The following AMPH variants were observed in gnomAD, a reference collection of about 807,000 sequenced individuals.
The protein encoded by AMPH is amphiphysin.
A neutral mutation model predicts 99.1 loss-of-function variants in AMPH; 49 were observed. That is an observed-to-expected ratio of 0.49 (90% CI 0.39 to 0.63). The LOEUF is 0.63. Among genes scored for constraint, AMPH ranks in the 20% least tolerant of loss-of-function variants. The pLI is 0.00. For synonymous variants in AMPH, 314 were observed against 317.3 expected, an observed-to-expected ratio of 0.99 and a Z score of 0.11; for missense variants, 759 against 863.4, an observed-to-expected ratio of 0.88 and a Z score of 1.52.
chr7:38,435,744 A>G (rs943511260), intron 12 of AMPH, among the ~76,000 whole-genome samples: 15 of 152,206 alleles, frequency 9.9e-5, no homozygotes, highest in African/African-American at 3.4e-4. Flanking sequence ...CCATCAAACC[A>G]TAACCATGAT....
chr7:38,392,503 C>A (rs754117107), intron 18 of AMPH: 32 of 153,786 alleles, frequency 2.1e-4, no homozygotes, highest in Non-Finnish European at 4.2e-4. Flanking sequence ...TCTCCTGCCT[C>A]AGCCTCCCGA....
intron 11 of AMPH, among the ~76,000 whole-genome samples, chr7:38,454,681 A>G (rs948643808): frequency 2.6e-5 from 4 of 152,206 alleles, no homozygotes; most frequent in Non-Finnish European, 5.9e-5. Context: ...CTGTTGAAGG[A>G]CAAAAGACTT....
chr7:38,418,087 G>T (rs1268947983), intron 16 of AMPH, 137 bp from the exon 17 acceptor site: 8 of 946,616 alleles, frequency 8.5e-6, no homozygotes, highest in Admixed American at 5.4e-5. Flanking sequence ...CTGGAGAAAA[G>T]CCCCCATTTG....
intron 11 of AMPH, among the ~76,000 whole-genome samples, chr7:38,444,220 A>T (rs1406477108): frequency 6.6e-6 from 1 of 152,216 alleles, no homozygotes; most frequent in Non-Finnish European, 1.5e-5. Context: ...TCTATGCGTC[A>T]GATGACTCAC....
intron 2 of AMPH, among the ~76,000 whole-genome samples, chr7:38,529,437 C>T (rs1219456322): frequency 3.3e-5 from 5 of 152,232 alleles, no homozygotes; most frequent in Admixed American, 3.3e-4. Context: ...TCTCATGCCT[C>T]ACCTCAGACA....
intron 1 of AMPH, among the ~76,000 whole-genome samples, chr7:38,620,372 G>GTGTT (rs1402140328): frequency 6.7e-6 from 1 of 148,706 alleles, no homozygotes; most frequent in Admixed American, 6.7e-5. Flanking sequence ...GTCTGTGTGT[G>GTGTT]TGTGTTAAAG....
intron 2 of AMPH, among the ~76,000 whole-genome samples, chr7:38,525,276 ATAGAGAGAGAGAG>A: frequency 2.5e-5 from 1 of 39,620 alleles, no homozygotes; most frequent in South Asian, 8.6e-4. Flanking sequence ...ATATATATAT[ATAGAGAGAGAGAG>A]AGAGAGAGAG....
In AMPH at chr7:38,392,677, G is replaced by A. The variant is rs184747938; in HGVS notation, c.1609-660C>T. On this transcript the variant is annotated intron_variant, in intron 18 of 20. Transcript: ENST00000356264. ...TGGGATTACAGGCGTGAGCCACCAC[G>A]CCCAGCCCCGCAGGCCAGCCTGGTT... The A allele has an allele frequency of 9.6e-3, 1,465 of 153,018 alleles. 14 individuals carry two copies. Among genetic ancestry groups the A allele is most frequent in the Admixed American group, 0.016 (252 of 15,286 alleles). 9.5% of individuals were successfully genotyped at this position (153,018 alleles called of 1,614,324 possible).
At chr7:38,389,687 T>C (rs1784436931) in intron 20 of AMPH, 117 bp downstream of exon 20, 1 of 824,852 alleles carries the variant, frequency 1.2e-6, no homozygotes, top group South Asian at 1.6e-5. Context: ...TTAAGCCCTT[T>C]TCAGATGGCT....
chr7:38,466,904 T>C (rs1185583335), intron 7 of AMPH, among the ~76,000 whole-genome samples: 3 of 152,204 alleles, frequency 2.0e-5, no homozygotes, highest in Admixed American at 1.3e-4. Flanking sequence ...CTATGGCTTA[T>C]CTTTACTTAA....
intron 17 of AMPH, among the ~76,000 whole-genome samples, chr7:38,417,482 T>C (rs1319087165): frequency 6.6e-6 from 1 of 152,178 alleles, no homozygotes; most frequent in East Asian, 1.9e-4. Context: ...TATTATTCTG[T>C]TTATCACATG....
At chr7:38,480,032 T>G (rs1193770626) in intron 5 of AMPH, among the ~76,000 whole-genome samples, 1 of 150,894 alleles carries the variant, frequency 6.6e-6, no homozygotes, top group East Asian at 2.0e-4. Flanking sequence ...GGAGATGCTT[T>G]AAAAAATTTG....
chr7:38,611,240 A>G (rs556387786), intron 1 of AMPH, among the ~76,000 whole-genome samples: 1 of 152,330 alleles, frequency 6.6e-6, no homozygotes, highest in African/African-American at 2.4e-5. Context: ...TTCCATTCAT[A>G]TGATGTATCT....
chr7:38,580,032 G>A (rs370026327), intron 1 of AMPH, among the ~76,000 whole-genome samples: 4 of 152,014 alleles, frequency 2.6e-5, no homozygotes, highest in East Asian at 1.9e-4. Flanking sequence ...ATGTCCAGTC[G>A]ACTTCTGATG....
intron 1 of AMPH, among the ~76,000 whole-genome samples, chr7:38,566,284 A>G (rs75074173): frequency 0.068 from 10,148 of 149,034 alleles, 390 homozygotes; most frequent in East Asian, 0.12. Flanking sequence ...AAACTCATTA[A>G]TGTCTTCTTT....
intron 1 of AMPH, among the ~76,000 whole-genome samples, chr7:38,576,058 C>A (rs1222345975): frequency 6.6e-6 from 1 of 152,208 alleles, no homozygotes; most frequent in Non-Finnish European, 1.5e-5. Context: ...CTGGGATAGA[C>A]TGCCTAGTGA....
chr7:38,619,572 A>T (rs142001492), intron 1 of AMPH, among the ~76,000 whole-genome samples: 303 of 152,338 alleles, frequency 2.0e-3, no homozygotes, highest in Non-Finnish European at 3.3e-3. Context: ...AACAGCAAAA[A>T]ACAGTTATTC....
rs886459664 is a variant in AMPH, at chr7:38,435,439, T to C, written c.1134+833A>G. On this transcript the variant is annotated intron_variant, in intron 12 of 20. Transcript: ENST00000356264. ...TTACAATATTCTTGTACTAATTCAT[T>C]TGAAGCATACTCTAGCAACTTTGGA... Among the ~76,000 whole-genome samples, 7 of 152,232 alleles carry C rather than the reference T, an allele frequency of 4.6e-5. No individual in the cohort carries two copies. In the East Asian group the frequency reaches 1.2e-3, roughly 25 times the overall value.
chr7:38,391,687 G>T (rs781427682), intron 19 of AMPH, 61 bp downstream of exon 19: 313 of 1,547,850 alleles, frequency 2.0e-4, no homozygotes, highest in Non-Finnish European at 2.6e-4. Context: ...AAAACCAAAG[G>T]CTTGAGCAAA....
Sources: allele counts gnomAD v4.1 joint callset (sites outside exome capture counted in the v4.1 genomes callset), GRCh38; gene constraint gnomAD v4.1.1; transcripts MANE v1.5; gene names NCBI Gene and HGNC (gene_info 2026-07-23, HGNC 2026-07-21).